The following KSR2 variants were observed in gnomAD, a reference collection of about 807,000 sequenced individuals.
The protein encoded by KSR2 is kinase suppressor of ras 2.
KSR2 carries 25 observed loss-of-function variants against 107.8 expected under a neutral mutation model. That is an observed-to-expected ratio of 0.23 (90% CI 0.17 to 0.32). KSR2 has a LOEUF of 0.32. Ranked by LOEUF, KSR2 falls within the 10% of genes least tolerant of loss-of-function variation. KSR2 has a pLI of 1.00. For synonymous variants in KSR2, 480 were observed against 507.0 expected (o/e 0.95, Z 0.71); for missense variants, 887 against 1,268.9 (o/e 0.70, Z 4.57).
intron 3 of KSR2, among the ~76,000 whole-genome samples, chr12:117,817,375 C>A (rs186646166): frequency 1.3e-5 from 2 of 152,070 alleles, no homozygotes; most frequent in East Asian, 3.9e-4. Flanking sequence ...TCTCAATAAC[C>A]GCCCCCCACC....
chr12:117,597,525 C>G (rs1048788754), intron 5 of KSR2, among the ~76,000 whole-genome samples: 1 of 152,118 alleles, frequency 6.6e-6, no homozygotes, highest in South Asian at 2.1e-4. Flanking sequence ...AAGGAAGAAG[C>G]GCTGCCTCTG....
At chr12:117,782,412 C>T (rs549167583) in intron 3 of KSR2, among the ~76,000 whole-genome samples, 1 of 152,244 alleles carries the variant, frequency 6.6e-6, no homozygotes, top group South Asian at 2.1e-4. Context: ...TATAGGCGTG[C>T]ACCACTACAC....
In KSR2 at chr12:117,531,059, C is replaced by T. The variant is rs753311307; in HGVS notation, c.1730-46G>A. ...ACTCAGAAAAAAAATGTGAAGTCCACAACCCCCGCAAAGGCCTGATTCCTG... is the reference window on the plus strand; with the variant it reads ...ACTCAGAAAAAAAATGTGAAGTCCATAACCCCCGCAAAGGCCTGATTCCTG... On this transcript the variant is annotated intron_variant, in intron 11 of 19. Transcript: ENST00000339824. 7 of 1,508,312 alleles carry T rather than the reference C, an allele frequency of 4.6e-6. No individual in the cohort carries two copies. In the Admixed American group the frequency reaches 5.0e-5, roughly 11 times the overall value. The allele number at this position is 1,508,312 out of a possible 1,614,324, so 93.4% of individuals were successfully genotyped here.
intron 4 of KSR2, among the ~76,000 whole-genome samples, chr12:117,692,382 G>A (rs765746123): frequency 3.4e-5 from 5 of 149,046 alleles, no homozygotes; most frequent in East Asian, 2.0e-4. Flanking sequence ...TGCAGCTGGC[G>A]TGAAATAGTT....
intron 7 of KSR2, among the ~76,000 whole-genome samples, chr12:117,567,768 G>T (rs1878610236): frequency 1.3e-5 from 2 of 151,752 alleles, no homozygotes; most frequent in African/African-American, 4.9e-5. Flanking sequence ...GAGTTCCCCT[G>T]TGGTCTCTTG....
chr12:117,966,085 T>C (rs1055107012), intron 1 of KSR2, among the ~76,000 whole-genome samples: 1 of 152,046 alleles, frequency 6.6e-6, no homozygotes, highest in African/African-American at 2.4e-5. Context: ...AACTCCCCCA[T>C]AGCCATCCTA....
Position 117,907,899 on chromosome 12 carries a change from G to A in KSR2, c.181-47468C>T, listed in dbSNP as rs776425427. On this transcript the variant is annotated intron_variant, in intron 1 of 19. Coordinates refer to ENST00000339824, the MANE Select transcript of KSR2 (RefSeq NM_173598.6). This position sits in a 1 kb window ranked among gnomAD's most constrained non-coding sequence, Gnocchi z 4.3. ...GGTATTCAAAATAATCACACTGCTT[G>A]TCTTATAGAGAGAAAAAAATCAACT... Among the ~76,000 whole-genome samples the A allele has an allele frequency of 6.6e-6, 1 of 151,716 alleles. No homozygotes were observed. The highest frequency in any genetic ancestry group is 1.5e-5 in the Non-Finnish European group (1 of 67,986).
In KSR2 at chr12:117,684,727, G is replaced by A. The variant is rs1024389229; in HGVS notation, c.987-17069C>T. ...GCCAGGGGCCGGACACTGTGCTCAT[G>A]ACACATTATCTCATTTGGGGTTGGA... is the stretch of plus-strand genomic sequence containing the variant. On this transcript the variant is annotated intron_variant, in intron 4 of 19. Transcript: ENST00000339824. Among the ~76,000 whole-genome samples, 12 of 152,290 alleles carry A rather than the reference G, an allele frequency of 7.9e-5. 1 individual carries two copies. Among genetic ancestry groups the A allele is most frequent in the Admixed American group, 3.9e-4 (6 of 15,296 alleles).
intron 1 of KSR2, among the ~76,000 whole-genome samples, chr12:117,875,641 A>G (rs1251679258): frequency 6.6e-6 from 1 of 152,102 alleles, no homozygotes; most frequent in Non-Finnish European, 1.5e-5. Context: ...AAAGGTACAC[A>G]TGAGCAGCAA....
intron 4 of KSR2, among the ~76,000 whole-genome samples, chr12:117,692,430 A>C (rs1885853464): frequency 7.2e-6 from 1 of 138,470 alleles, no homozygotes; most frequent in Non-Finnish European, 1.5e-5. Flanking sequence ...GAATTACCAT[A>C]TGACCTGGCA....
At chr12:117,596,996 G>A (rs1297430567) in intron 5 of KSR2, among the ~76,000 whole-genome samples, 11 of 152,084 alleles carry the variant, frequency 7.2e-5, no homozygotes, top group East Asian at 1.9e-4. Flanking sequence ...TCCATACACC[G>A]TTTTTGGGCT....
intron 3 of KSR2, 77 bp downstream of exon 3, chr12:117,855,351 G>A (rs554099608): frequency 9.4e-5 from 145 of 1,542,560 alleles, no homozygotes; most frequent in African/African-American, 1.1e-4. Context: ...CTGCAGTGGC[G>A]GGCACGGGAT....
chr12:117,625,739 C>T (rs1882468337), intron 5 of KSR2, among the ~76,000 whole-genome samples: 1 of 152,102 alleles, frequency 6.6e-6, no homozygotes, highest in African/African-American at 2.4e-5. Context: ...GGGAGGATTC[C>T]CTCTTTTTCT....
intron 1 of KSR2, among the ~76,000 whole-genome samples, chr12:117,874,431 C>T (rs1052495567): frequency 2.0e-4 from 31 of 152,110 alleles, no homozygotes; most frequent in African/African-American, 7.5e-4. Flanking sequence ...TAGAGTCTTG[C>T]TATGTTGCCC....
intron 1 of KSR2, among the ~76,000 whole-genome samples, chr12:117,939,722 C>CA (rs946301277): frequency 1.4e-5 from 2 of 142,778 alleles, no homozygotes; most frequent in African/African-American, 2.6e-5. Flanking sequence ...AAACAAAAAA[C>CA]AAAAAACAAA....
At chr12:117,793,108 A>T (rs1890328974) in intron 3 of KSR2, among the ~76,000 whole-genome samples, 1 of 103,952 alleles carries the variant, frequency 9.6e-6, no homozygotes, top group Non-Finnish European at 1.8e-5. Context: ...ACTCACACCA[A>T]CGTGCACACA....
chr12:117,581,412 A>G (rs1022170641), intron 6 of KSR2, among the ~76,000 whole-genome samples: 5 of 152,204 alleles, frequency 3.3e-5, no homozygotes, highest in Admixed American at 6.5e-5. Flanking sequence ...GAAAGAATCC[A>G]TGAATAAGGG....
intron 1 of KSR2, among the ~76,000 whole-genome samples, chr12:117,926,643 C>A (rs1015962180): frequency 6.6e-6 from 1 of 152,220 alleles, no homozygotes; most frequent in African/African-American, 2.4e-5. Flanking sequence ...GAAAAATCAC[C>A]CAGCAGCCAC....
chr12:117,523,972 CAAAAAG>C (rs1156724352), intron 14 of KSR2, among the ~76,000 whole-genome samples: 2 of 152,080 alleles, frequency 1.3e-5, no homozygotes, highest in Non-Finnish European at 2.9e-5. Flanking sequence ...AACTCTGTCT[CAAAAAG>C]AAAAAGAATC....
Sources: allele counts gnomAD v4.1 joint callset (sites outside exome capture counted in the v4.1 genomes callset), GRCh38; gene constraint gnomAD v4.1.1; non-coding constraint Gnocchi (gnomAD v3.1); transcripts MANE v1.5; gene names NCBI Gene and HGNC (gene_info 2026-07-23, HGNC 2026-07-21).